The following COL9A1 variants were observed in gnomAD, a reference collection of about 807,000 sequenced individuals.
The protein encoded by COL9A1 is collagen alpha-1(IX) chain.
COL9A1 carries 104 observed loss-of-function variants against 142.6 expected under a neutral mutation model. The observed-to-expected ratio is 0.73, with a 90% CI of 0.62 to 0.86. COL9A1 has a LOEUF of 0.86. COL9A1 is among the 40% of genes least tolerant of loss of function. The probability of loss-of-function intolerance (pLI) is 0.00; values close to 1 mark genes in which losing one functional copy is unlikely to be tolerated. For missense variants in COL9A1, 1,210 were observed against 1,176.6 expected, an observed-to-expected ratio of 1.03 and a Z score of -0.42; for synonymous variants, 466 against 396.0, an observed-to-expected ratio of 1.18 and a Z score of -2.10.
At position 70,240,691 on chromosome 6, in the gene COL9A1, G is replaced by A. The variant is rs1327287022; in HGVS notation, c.2077C>T (p.Leu693Phe). ...EEGEAGERGE[L>F]GDIGLPGPKG... Reference sequence around the variant, plus strand: ...TAACCAGAAAAAAAAAATCTTACAAGTTCCCCCCTTTCTCCTGCTTCACCT... The same window carrying A: ...TAACCAGAAAAAAAAAATCTTACAAATTCCCCCCTTTCTCCTGCTTCACCT... Residue 693 changes from leucine (L) to phenylalanine (F), a missense_variant and splice_region_variant, in exon 32 of 38, where the codon CTT becomes TTT. Transcript: ENST00000357250. The A allele has an allele frequency of 1.9e-6, 3 of 1,610,374 alleles. No homozygotes were observed. Among genetic ancestry groups the A allele is most frequent in the Non-Finnish European group, 2.5e-6 (3 of 1,177,898 alleles).
chr6:70,302,348 T>G (rs935926040), intron 1 of COL9A1, among the ~76,000 whole-genome samples: 2 of 151,958 alleles, frequency 1.3e-5, no homozygotes, highest in African/African-American at 2.4e-5. Context: ...TAACTGGGAT[T>G]ACAGGCACGT....
At chr6:70,298,301 C>T (rs1358084063) in intron 4 of COL9A1, among the ~76,000 whole-genome samples, 1 of 152,190 alleles carries the variant, frequency 6.6e-6, no homozygotes. Flanking sequence ...AACCTCATGA[C>T]AGAGTTACTA....
At chr6:70,277,343 C>CAA (rs200889718) in intron 10 of COL9A1, among the ~76,000 whole-genome samples, 1 of 136,076 alleles carries the variant, frequency 7.3e-6, no homozygotes. Flanking sequence ...GTCCATAAGC[C>CAA]AAAAAAAAAA....
intron 32 of COL9A1, among the ~76,000 whole-genome samples, chr6:70,239,620 T>G (rs1332144121): frequency 6.6e-6 from 1 of 152,220 alleles, no homozygotes; most frequent in African/African-American, 2.4e-5. Context: ...TAAAATAGCA[T>G]TATCTTATAA....
intron 32 of COL9A1, 144 bp from the exon 33 acceptor site, chr6:70,239,430 C>G (rs904165047): frequency 3.2e-6 from 2 of 633,572 alleles, no homozygotes; most frequent in South Asian, 1.9e-5. Context: ...TATTAGACTC[C>G]AATTTTGGAT....
At chr6:70,299,674 T>C (rs1191902453) in intron 4 of COL9A1, among the ~76,000 whole-genome samples, 1 of 152,166 alleles carries the variant, frequency 6.6e-6, no homozygotes, top group African/African-American at 2.4e-5. Flanking sequence ...CCATTGTGAG[T>C]CTTCTAACCA....
intron 4 of COL9A1, among the ~76,000 whole-genome samples, chr6:70,296,932 A>AT (rs1773869112): frequency 1.3e-5 from 2 of 152,202 alleles, no homozygotes; most frequent in East Asian, 3.9e-4. Context: ...CTTAAGCATT[A>AT]TTTTTCCAGG....
chr6:70,283,905 T>C, intron 5 of COL9A1, 85 bp from the exon 6 acceptor site: 1 of 956,548 alleles, frequency 1.0e-6, no homozygotes, highest in South Asian at 1.4e-5. Context: ...TGCGTCTAAT[T>C]GTTAAATAAT....
chr6:70,276,066 A>T (rs1772739571), intron 10 of COL9A1, among the ~76,000 whole-genome samples: 1 of 152,192 alleles, frequency 6.6e-6, no homozygotes, highest in African/African-American at 2.4e-5. Flanking sequence ...TTGAAATGTT[A>T]ATTACTGGAA....
intron 10 of COL9A1, 200 bp downstream of exon 10, chr6:70,280,612 G>A: frequency 7.7e-7 from 1 of 1,295,080 alleles, no homozygotes; most frequent in Non-Finnish European, 1.0e-6. Context: ...CCTAGAGAGA[G>A]GTATCCTCAC....
chr6:70,297,435 T>C (rs528212481), intron 4 of COL9A1, among the ~76,000 whole-genome samples: 1 of 152,234 alleles, frequency 6.6e-6, no homozygotes, highest in East Asian at 1.9e-4. Flanking sequence ...AAGAGAAAAT[T>C]TATTTTGGTA....
chr6:70,235,086 C>G, intron 33 of COL9A1, 146 bp from the exon 34 acceptor site: 2 of 989,558 alleles, frequency 2.0e-6, no homozygotes, highest in Non-Finnish European at 3.1e-6. Flanking sequence ...AAAACCTTCA[C>G]TGCAAGGTGA....
intron 5 of COL9A1, among the ~76,000 whole-genome samples, chr6:70,293,073 GAT>G (rs1246583119): frequency 1.3e-5 from 2 of 152,114 alleles, no homozygotes; most frequent in Non-Finnish European, 2.9e-5. Context: ...TGAAATCCCT[GAT>G]AACCTTTTCT....
Position 70,234,762 on chromosome 6 carries a change from A to G in COL9A1, c.2259+32T>C, listed in dbSNP as rs12191701. 727,256 of 1,612,902 alleles carry G rather than the reference A, an allele frequency of 0.45. 176,376 individuals carry two copies. Among genetic ancestry groups the G allele is most frequent in the Non-Finnish European group, 0.51 (596,633 of 1,179,186 alleles). ...CTGCTGCTGTGGGATGGAGTCTCCA[A>G]AGGGAAACCACAGAAGCTGCCCACC... On this transcript the variant is annotated intron_variant, in intron 34 of 37. Coordinates refer to ENST00000357250, the MANE Select transcript of COL9A1 (RefSeq NM_001851.6).
chr6:70,259,322 T>C (rs1294009672), intron 20 of COL9A1, among the ~76,000 whole-genome samples: 2 of 152,160 alleles, frequency 1.3e-5, no homozygotes, highest in African/African-American at 2.4e-5. Flanking sequence ...CAATTAACCA[T>C]AGAAGTTATA....
chr6:70,271,771 A>G, intron 13 of COL9A1, 63 bp from the exon 14 acceptor site: 1 of 1,411,576 alleles, frequency 7.1e-7, no homozygotes, highest in African/African-American at 1.4e-5. Flanking sequence ...ATCATACATT[A>G]TATCAAATAT....
At chr6:70,302,853 G>T in intron 1 of COL9A1, 58 bp downstream of exon 1, 1 of 1,583,950 alleles carries the variant, frequency 6.3e-7, no homozygotes, top group South Asian at 1.1e-5. Flanking sequence ...ACAGACCCTT[G>T]GTTCTGAGGA....
chr6:70,274,860 G>T (rs2274583), intron 10 of COL9A1, 88 bp from the exon 11 acceptor site: 6 of 1,002,552 alleles, frequency 6.0e-6, no homozygotes, highest in South Asian at 1.3e-5. Context: ...TTTATTAATT[G>T]TCTACAGGAT....
At chr6:70,237,151 A>C (rs944878574) in intron 33 of COL9A1, among the ~76,000 whole-genome samples, 5 of 152,280 alleles carry the variant, frequency 3.3e-5, no homozygotes, top group Admixed American at 3.3e-4. Flanking sequence ...CCAGAAGAGA[A>C]GACAAAATGA....
Sources: allele counts gnomAD v4.1 joint callset (sites outside exome capture counted in the v4.1 genomes callset), GRCh38; gene constraint gnomAD v4.1.1; transcripts MANE v1.5; gene names NCBI Gene and HGNC (gene_info 2026-07-23, HGNC 2026-07-21).